SPATA16: variants seen among roughly 807,000 people sequenced by gnomAD.
SPATA16 encodes spermatogenesis-associated protein 16.
SPATA16 carries 36 observed loss-of-function variants against 63.3 expected under a neutral mutation model. That is an observed-to-expected ratio of 0.57 (90% CI 0.44 to 0.75). SPATA16 has a LOEUF of 0.75. Among genes scored for constraint, SPATA16 ranks in the 30% least tolerant of loss-of-function variants. The pLI is 0.00. For missense variants in SPATA16, 646 were observed against 679.3 expected (o/e 0.95, Z 0.54); for synonymous variants, 203 against 216.7 (o/e 0.94, Z 0.56).
Position 173,117,278 on chromosome 3 carries a change from A to G in SPATA16, c.454T>C (p.Cys152Arg), listed in dbSNP as rs142849574. The G allele has an allele frequency of 6.2e-7, 1 of 1,614,202 alleles. No homozygotes were observed. Among genetic ancestry groups the G allele is most frequent in the South Asian group, 1.1e-5 (1 of 91,078 alleles). The change falls in exon 2 of 11, where the codon TGC becomes CGC. Residue 152 changes from cysteine (C) to arginine (R), a missense_variant. Physicochemically the swap from Cys to Arg is radical, Grantham distance 180 (BLOSUM62 -3). Coordinates refer to ENST00000351008, the MANE Select transcript of SPATA16 (RefSeq NM_031955.6). ...GGGTCTACTATTTCAGCAGCTTGGCATGTTGGCTGACTCCCAGTAGACATG... is the reference window on the plus strand; with the variant it reads ...GGGTCTACTATTTCAGCAGCTTGGCGTGTTGGCTGACTCCCAGTAGACATG... ...SFMSTGSQPT[C>R]QAAEIVDPLS...
At chr3:172,990,257 A>G (rs1159082381) in intron 4 of SPATA16, among the ~76,000 whole-genome samples, 2 of 152,330 alleles carry the variant, frequency 1.3e-5, no homozygotes, top group East Asian at 3.9e-4. Flanking sequence ...GCTCATTGCC[A>G]TCTATATCAG....
intron 4 of SPATA16, among the ~76,000 whole-genome samples, chr3:173,016,046 G>A (rs1373830630): frequency 1.3e-5 from 2 of 152,122 alleles, no homozygotes; most frequent in East Asian, 3.8e-4. Flanking sequence ...CTTGTTCTTG[G>A]TAACGGGGGT....
At chr3:172,950,015 C>G (rs1173162539) in intron 6 of SPATA16, among the ~76,000 whole-genome samples, 1 of 152,184 alleles carries the variant, frequency 6.6e-6, no homozygotes, top group Non-Finnish European at 1.5e-5. Context: ...CCTACCTCAA[C>G]TCATGGGTTT....
chr3:173,020,720 A>C (rs1013237220), intron 3 of SPATA16, among the ~76,000 whole-genome samples: 1 of 152,238 alleles, frequency 6.6e-6, no homozygotes, highest in African/African-American at 2.4e-5. Context: ...AGCTGGATGC[A>C]GTCCATGCCC....
intron 2 of SPATA16, among the ~76,000 whole-genome samples, chr3:173,067,332 T>C (rs1034627422): frequency 2.0e-5 from 3 of 152,282 alleles, no homozygotes; most frequent in Admixed American, 2.0e-4. Context: ...CCAAGCGAAT[T>C]AATGTGGGAA....
At chr3:172,910,937 G>A (rs903450823) in intron 10 of SPATA16, among the ~76,000 whole-genome samples, 30 of 152,198 alleles carry the variant, frequency 2.0e-4, no homozygotes, top group Admixed American at 5.2e-4. Context: ...CGTGCCAGTT[G>A]TTAACCTATA....
In SPATA16 at chr3:173,107,770, C is replaced by T. The variant is rs988268862; in HGVS notation, c.612+9350G>A. Reference sequence around the variant, plus strand: ...TGTGTAGGAAGGCTGGAATGGGGTCCGTAACAGAGGAAAGAGACGGAATTG... The same window carrying T: ...TGTGTAGGAAGGCTGGAATGGGGTCTGTAACAGAGGAAAGAGACGGAATTG... On this transcript the variant is annotated intron_variant, in intron 2 of 10. Transcript: ENST00000351008. Among the ~76,000 whole-genome samples the T allele has an allele frequency of 5.9e-5, 9 of 152,062 alleles. No individual in the cohort carries two copies. The East Asian group carries it at 1.2e-3, about 20-fold the overall frequency.
At chr3:173,009,852 G>A (rs1475237332) in intron 4 of SPATA16, among the ~76,000 whole-genome samples, 4 of 152,264 alleles carry the variant, frequency 2.6e-5, no homozygotes, top group African/African-American at 9.6e-5. Context: ...GCAGGAGCCG[G>A]CTGGAGCAAG....
At chr3:172,926,214 T>C (rs1325288204) in intron 6 of SPATA16, among the ~76,000 whole-genome samples, 3 of 152,174 alleles carry the variant, frequency 2.0e-5, no homozygotes, top group Non-Finnish European at 4.4e-5. Context: ...AAGTGAGAAT[T>C]AAAATATAAA....
intron 1 of SPATA16, among the ~76,000 whole-genome samples, chr3:173,127,243 C>T (rs1441860736): frequency 6.6e-6 from 1 of 152,088 alleles, no homozygotes; most frequent in African/African-American, 2.4e-5. Flanking sequence ...TTTTGCTAAG[C>T]TGTTTGAAAG....
chr3:173,071,680 A>G (rs1240999856), intron 2 of SPATA16, among the ~76,000 whole-genome samples: 1 of 152,244 alleles, frequency 6.6e-6, no homozygotes, highest in Non-Finnish European at 1.5e-5. Context: ...GAAGACATGC[A>G]AATGGCCAAC....
chr3:173,029,633 G>C (rs1159729270), intron 3 of SPATA16, among the ~76,000 whole-genome samples: 1 of 152,006 alleles, frequency 6.6e-6, no homozygotes, highest in Non-Finnish European at 1.5e-5. Context: ...TGGCAAGGCA[G>C]TAAAAAGACT....
chr3:172,918,440 T>A (rs1043471184), intron 8 of SPATA16, among the ~76,000 whole-genome samples: 3 of 152,040 alleles, frequency 2.0e-5, no homozygotes, highest in African/African-American at 4.8e-5. Context: ...TTGAATAAGA[T>A]AACAGGGAAA....
At chr3:173,132,138 A>G (rs1738403583) in intron 1 of SPATA16, among the ~76,000 whole-genome samples, 1 of 152,210 alleles carries the variant, frequency 6.6e-6, no homozygotes, top group African/African-American at 2.4e-5. Context: ...TTCTATAAAA[A>G]GAATAACAAA....
intron 2 of SPATA16, among the ~76,000 whole-genome samples, chr3:173,114,364 C>T (rs1437953006): frequency 6.6e-6 from 1 of 151,994 alleles, no homozygotes; most frequent in Non-Finnish European, 1.5e-5. Flanking sequence ...TATGTGTGGC[C>T]ACATGATTAA....
intron 1 of SPATA16, among the ~76,000 whole-genome samples, chr3:173,132,103 C>T (rs978557931): frequency 6.6e-6 from 1 of 151,954 alleles, no homozygotes; most frequent in Non-Finnish European, 1.5e-5. Context: ...AAGAACTTTA[C>T]CAGAGTTCTT....
chr3:173,089,126 A>G lies in SPATA16; in HGVS notation c.612+27994T>C, dbSNP rs997732316. 3.9e-5 allele frequency among the ~76,000 whole-genome samples: 6 copies of G among 152,174 alleles called. No homozygotes were observed. In the East Asian group the frequency reaches 1.2e-3, roughly 29 times the overall value. On this transcript the variant is annotated intron_variant, in intron 2 of 10. Coordinates refer to ENST00000351008, the MANE Select transcript of SPATA16 (RefSeq NM_031955.6). ...TTGAGATCCCCGATTTCTCATGCCT[A>G]AATAAGAGATAGGTTCTCCAGAGAA...
intron 4 of SPATA16, among the ~76,000 whole-genome samples, chr3:173,004,825 G>A (rs765390374): frequency 1.3e-5 from 2 of 152,040 alleles, no homozygotes; most frequent in Non-Finnish European, 2.9e-5. Flanking sequence ...TGACATAGAC[G>A]CTATTATTAT....
intron 3 of SPATA16, among the ~76,000 whole-genome samples, chr3:173,032,772 C>T (rs570248643): frequency 2.6e-5 from 4 of 152,114 alleles, no homozygotes; most frequent in East Asian, 1.9e-4. Context: ...CTTTATCCAC[C>T]GCAGACTTCT....
Sources: gnomAD v4.1 joint callset for allele counts (sites outside exome capture counted in the v4.1 genomes callset) on GRCh38, gnomAD v4.1.1 for gene constraint, MANE v1.5 for transcripts, NCBI Gene and HGNC (gene_info 2026-07-23, HGNC 2026-07-21) for gene names.